The following TLN2 variants were observed in gnomAD, a reference collection of about 807,000 sequenced individuals.
The protein encoded by TLN2 is talin 2.
A neutral mutation model predicts 294.7 loss-of-function variants in TLN2; 118 were observed. That is an observed-to-expected ratio of 0.40 (90% CI 0.34 to 0.47). The LOEUF is 0.47. TLN2 is among the 20% of genes least tolerant of loss of function. The probability of loss-of-function intolerance (pLI) is 0.84; values close to 1 mark genes in which losing one functional copy is unlikely to be tolerated. For synonymous variants in TLN2, 1,431 were observed against 1,304.5 expected (o/e 1.10, Z -2.09); for missense variants, 3,083 against 3,282.2 (o/e 0.94, Z 1.48).
chr15:62,676,969 G>A (rs879455685), intron 11 of TLN2, among the ~76,000 whole-genome samples: 35 of 152,162 alleles, frequency 2.3e-4, no homozygotes, highest in Non-Finnish European at 3.8e-4. Flanking sequence ...TTCAGTGGGG[G>A]CCATAAGGCT....
At chr15:62,421,961 T>G (rs1453938225) in intron 1 of TLN2, among the ~76,000 whole-genome samples, 2 of 152,056 alleles carry the variant, frequency 1.3e-5, no homozygotes, top group Non-Finnish European at 2.9e-5. Flanking sequence ...TCATTCTTTG[T>G]GTCAGACTTG....
rs1208286254 is a variant in TLN2 at position 62,702,128 on chromosome 15, G to A, written c.1833G>A (p.Leu611=). ...MDDEVGSGED[L]LRAARTLAGA... ...ATGAGGTGGGCAGCGGGGAGGACTT[G>A]CTCAGAGCTGCCAGGACCCTCGCTG... Residue 611 remains leucine, a synonymous_variant, in exon 18 of 59, where the codon TTG becomes TTA. Coordinates refer to ENST00000636159, the MANE Select transcript of TLN2 (RefSeq NM_015059.3). 2.5e-6 allele frequency: 4 copies of A among 1,613,838 alleles called. No homozygotes were observed. Among genetic ancestry groups the A allele is most frequent in the Non-Finnish European group, 3.4e-6 (4 of 1,179,996 alleles).
At chr15:62,651,576 GA>G (rs2052589231) in intron 5 of TLN2, among the ~76,000 whole-genome samples, 1 of 151,840 alleles carries the variant, frequency 6.6e-6, no homozygotes, top group African/African-American at 2.4e-5. Flanking sequence ...AAACAAACAA[GA>G]AATAACCTGT....
chr15:62,571,493 T>A (rs1356946845), intron 1 of TLN2, among the ~76,000 whole-genome samples: 1 of 152,256 alleles, frequency 6.6e-6, no homozygotes, highest in African/African-American at 2.4e-5. Flanking sequence ...TTATCATTTT[T>A]TAAAAACATG....
At chr15:62,493,670 G>T (rs1416990336) in intron 1 of TLN2, among the ~76,000 whole-genome samples, 1 of 151,544 alleles carries the variant, frequency 6.6e-6, no homozygotes, top group Non-Finnish European at 1.5e-5. Context: ...GAGTGCAGGG[G>T]CACAATCTTG....
intron 1 of TLN2, among the ~76,000 whole-genome samples, chr15:62,468,616 G>T (rs2037275273): frequency 6.6e-6 from 1 of 151,980 alleles, no homozygotes; most frequent in Admixed American, 6.6e-5. Flanking sequence ...GTGGTGGCGG[G>T]CGCCTGTAGT....
intron 1 of TLN2, among the ~76,000 whole-genome samples, chr15:62,457,612 G>A (rs117915080): frequency 1.3e-5 from 2 of 152,322 alleles, no homozygotes; most frequent in South Asian, 2.1e-4. Flanking sequence ...GAGGGACAGC[G>A]TTCTGGTGGC....
At chr15:62,604,596 A>T (rs574592126) in intron 2 of TLN2, among the ~76,000 whole-genome samples, 1 of 150,910 alleles carries the variant, frequency 6.6e-6, no homozygotes, top group South Asian at 2.1e-4. Flanking sequence ...GAGCTTCATA[A>T]GAGAGAGGGA....
intron 54 of TLN2, among the ~76,000 whole-genome samples, chr15:62,825,634 G>A (rs1029817599): frequency 2.0e-4 from 29 of 146,760 alleles, no homozygotes; most frequent in Non-Finnish European, 1.0e-4. Context: ...CGGATCATTT[G>A]AGGTCAGGAG....
intron 9 of TLN2, among the ~76,000 whole-genome samples, chr15:62,662,151 A>C (rs1443160435): frequency 1.3e-5 from 2 of 152,144 alleles, no homozygotes; most frequent in Non-Finnish European, 2.9e-5. Context: ...TAAAAAACTT[A>C]ATAAACCTTG....
At chr15:62,746,459 G>A (rs543068668) in intron 32 of TLN2, among the ~76,000 whole-genome samples, 2 of 152,260 alleles carry the variant, frequency 1.3e-5, no homozygotes, top group South Asian at 4.2e-4. Flanking sequence ...TTAAATAGTG[G>A]TCACCAAATA....
intron 54 of TLN2, among the ~76,000 whole-genome samples, chr15:62,825,774 A>AT (rs2068024539): frequency 1.8e-4 from 5 of 27,124 alleles, no homozygotes; most frequent in African/African-American, 5.4e-4. Flanking sequence ...TATATATTAT[A>AT]TAATATATTA....
intron 27 of TLN2, among the ~76,000 whole-genome samples, chr15:62,726,115 A>AT (rs967641429): frequency 6.0e-5 from 2 of 33,200 alleles, no homozygotes; most frequent in Non-Finnish European, 2.4e-4. Flanking sequence ...AAAGTTCTAT[A>AT]CCCCAGGGAG....
rs1322298289 is a variant in TLN2, at chr15:62,825,860, ATATATAT to A, written c.7002+5252_7002+5258del. ...TAATATATATAAATATATTATATATATATATATTTATATATATATATAATAAGTCAGG... is the reference window on the plus strand; with the variant it reads ...TAATATATATAAATATATTATATATATTATATATATATATAATAAGTCAGG... On this transcript the variant is annotated intron_variant, in intron 54 of 58. Transcript: ENST00000636159. Among the ~76,000 whole-genome samples the A allele has an allele frequency of 8.0e-3, 734 of 91,312 alleles. 9 individuals carry two copies. Among genetic ancestry groups the A allele is most frequent in the South Asian group, 0.027 (88 of 3,210 alleles). 59.9% of individuals were successfully genotyped at this position (91,312 alleles called of 152,430 possible). A position where few individuals can be genotyped will look rare whatever the true frequency, so the allele number is the denominator to read the frequency against.
chr15:62,399,437 G>A (rs542061801), intron 1 of TLN2, among the ~76,000 whole-genome samples: 27 of 152,208 alleles, frequency 1.8e-4, no homozygotes, highest in African/African-American at 6.5e-4. Context: ...GCTCTGAGAA[G>A]AGGGCCACCA....
At chr15:62,591,932 A>G (rs144482571) in intron 2 of TLN2, among the ~76,000 whole-genome samples, 25 of 152,268 alleles carry the variant, frequency 1.6e-4, no homozygotes, top group South Asian at 1.2e-3. Flanking sequence ...GAGTGGTCCA[A>G]TCTGGCTAAA....
intron 2 of TLN2, among the ~76,000 whole-genome samples, chr15:62,607,896 G>A (rs2047587582): frequency 6.6e-6 from 1 of 152,210 alleles, no homozygotes; most frequent in African/African-American, 2.4e-5. Flanking sequence ...ACTGCTGCCT[G>A]CTTGACTGTG....
chr15:62,805,232 G>GC (rs2066196175), intron 50 of TLN2, among the ~76,000 whole-genome samples: 1 of 152,060 alleles, frequency 6.6e-6, no homozygotes. Context: ...AGAGTGTATG[G>GC]AACTGCCAAA....
At chr15:62,428,423 A>T (rs956316033) in intron 1 of TLN2, among the ~76,000 whole-genome samples, 1 of 152,164 alleles carries the variant, frequency 6.6e-6, no homozygotes, top group Admixed American at 6.5e-5. Flanking sequence ...TTTAGTGTAG[A>T]CGTAATGTTT....
Sources: allele counts gnomAD v4.1 joint callset (sites outside exome capture counted in the v4.1 genomes callset), GRCh38; gene constraint gnomAD v4.1.1; transcripts MANE v1.5; gene names NCBI Gene and HGNC (gene_info 2026-07-23, HGNC 2026-07-21).